Variants in PACRG observed in about 807,000 individuals in gnomAD.
PACRG encodes the protein parkin coregulated.
PACRG carries 29 observed loss-of-function variants against 29.7 expected under a neutral mutation model. The observed-to-expected ratio is 0.98, with a 90% CI of 0.73 to 1.33. PACRG has a LOEUF of 1.33. PACRG is among the 40% of genes most tolerant of loss of function. The probability of loss-of-function intolerance (pLI) is 0.00; values close to 1 mark genes in which losing one functional copy is unlikely to be tolerated. For missense variants in PACRG, 279 were observed against 316.2 expected (o/e 0.88, Z 0.89); for synonymous variants, 116 against 118.7 (o/e 0.98, Z 0.15).
chr6:163,254,402 G>T (rs1783029925), intron 4 of PACRG, among the ~76,000 whole-genome samples: 1 of 152,200 alleles, frequency 6.6e-6, no homozygotes, highest in Non-Finnish European at 1.5e-5. Flanking sequence ...AGGCCCCATT[G>T]AAGTAGGACT....
intron 2 of PACRG, among the ~76,000 whole-genome samples, chr6:162,956,856 T>C (rs1222210223): frequency 6.6e-6 from 1 of 152,126 alleles, no homozygotes; most frequent in Admixed American, 6.5e-5. Context: ...AGAGTTCAAC[T>C]TGGCTTTTTC....
intron 3 of PACRG, among the ~76,000 whole-genome samples, chr6:163,074,358 G>C (rs945844058): frequency 1.3e-5 from 2 of 152,064 alleles, no homozygotes; most frequent in African/African-American, 4.8e-5. Context: ...ACTTATTTTG[G>C]GGTGCTCAAA....
intron 4 of PACRG, among the ~76,000 whole-genome samples, chr6:163,283,844 T>C (rs898780925): frequency 6.7e-6 from 1 of 150,100 alleles, no homozygotes; most frequent in Admixed American, 6.6e-5. Context: ...CCAGATGCGG[T>C]GGCTCACACC....
chr6:162,941,414 G>C (rs1798622850), intron 2 of PACRG, among the ~76,000 whole-genome samples: 1 of 152,182 alleles, frequency 6.6e-6, no homozygotes, highest in Non-Finnish European at 1.5e-5. Context: ...GCGAGTGCAA[G>C]GTCCTGCACG....
chr6:163,116,951 G>A (rs113220863), intron 4 of PACRG, among the ~76,000 whole-genome samples: 6 of 152,264 alleles, frequency 3.9e-5, no homozygotes, highest in African/African-American at 1.4e-4. Context: ...ACTCACAGAA[G>A]CAAGTTGGAA....
chr6:162,778,804 G>A (rs1243452824), intron 1 of PACRG, among the ~76,000 whole-genome samples: 2 of 152,256 alleles, frequency 1.3e-5, no homozygotes. Flanking sequence ...GCAAGCCTGG[G>A]CCTGTGTGGC....
chr6:163,217,248 C>G (rs116193432), intron 4 of PACRG, among the ~76,000 whole-genome samples: 27 of 152,332 alleles, frequency 1.8e-4, no homozygotes, highest in Non-Finnish European at 2.9e-4. Flanking sequence ...AAGGCTAAAA[C>G]AAGCTCCTGG....
intron 4 of PACRG, among the ~76,000 whole-genome samples, chr6:163,293,876 A>G (rs1239543936): frequency 2.0e-5 from 3 of 152,224 alleles, no homozygotes; most frequent in African/African-American, 4.8e-5. Flanking sequence ...CTGTGAAAAG[A>G]AAATGGCAAT....
chr6:163,054,447 A>G (rs1315373153), intron 2 of PACRG, among the ~76,000 whole-genome samples: 1 of 152,104 alleles, frequency 6.6e-6, no homozygotes, highest in Non-Finnish European at 1.5e-5. Flanking sequence ...GGGAAAATAC[A>G]TGTGTGTTTT....
chr6:162,871,831 T>C (rs1036466520), intron 2 of PACRG, among the ~76,000 whole-genome samples: 2 of 151,864 alleles, frequency 1.3e-5, no homozygotes, highest in African/African-American at 4.8e-5. Context: ...GGCAGGAGAA[T>C]GGCGTGAACC....
intron 4 of PACRG, among the ~76,000 whole-genome samples, chr6:163,232,325 G>A (rs1272000983): frequency 2.0e-5 from 3 of 152,322 alleles, no homozygotes; most frequent in Admixed American, 1.3e-4. Context: ...CTCCGCTGCT[G>A]CAATGTGCCC....
intron 4 of PACRG, among the ~76,000 whole-genome samples, chr6:163,269,822 A>AAGGAAG (rs58539852): frequency 2.2e-5 from 1 of 46,306 alleles, no homozygotes; most frequent in Non-Finnish European, 4.6e-5. Context: ...GGAAGGAAGG[A>AAGGAAG]GAAAGAAAGA....
intron 4 of PACRG, among the ~76,000 whole-genome samples, chr6:163,223,430 A>G (rs1453446638): frequency 2.6e-5 from 4 of 152,142 alleles, no homozygotes; most frequent in Non-Finnish European, 5.9e-5. Flanking sequence ...AATATTAAGG[A>G]TAAACTAAAA....
At chr6:163,220,285 T>C (rs992408504) in intron 4 of PACRG, among the ~76,000 whole-genome samples, 1 of 152,150 alleles carries the variant, frequency 6.6e-6, no homozygotes, top group African/African-American at 2.4e-5. Flanking sequence ...CAAAGCCTCG[T>C]CTGTGAGTTT....
intron 4 of PACRG, among the ~76,000 whole-genome samples, chr6:163,133,764 C>A (rs971106901): frequency 6.6e-6 from 1 of 152,170 alleles, no homozygotes; most frequent in African/African-American, 2.4e-5. Flanking sequence ...ATCTTTCTTC[C>A]CCAGTCTCTC....
chr6:162,987,082 G>A (rs1243833418), intron 2 of PACRG, among the ~76,000 whole-genome samples: 3 of 152,038 alleles, frequency 2.0e-5, no homozygotes, highest in East Asian at 1.9e-4. Context: ...TTTTGGTGGT[G>A]TTATAGAGCC....
chr6:163,276,528 G>A (rs75239988), intron 4 of PACRG, among the ~76,000 whole-genome samples: 2 of 152,092 alleles, frequency 1.3e-5, no homozygotes, highest in Admixed American at 6.6e-5. Context: ...GATCATTCTG[G>A]GTCAGTTTTC....
intron 2 of PACRG, 91 bp downstream of exon 2, chr6:162,814,372 CTG>C: frequency 6.7e-7 from 1 of 1,494,324 alleles, no homozygotes; most frequent in Non-Finnish European, 9.1e-7. Context: ...AGTAAATAAA[CTG>C]GAGTCATTTC....
chr6:162,953,595 A>G (rs752554248), intron 2 of PACRG, among the ~76,000 whole-genome samples: 2 of 152,092 alleles, frequency 1.3e-5, no homozygotes, highest in Non-Finnish European at 2.9e-5. Flanking sequence ...CTATCAAGCT[A>G]ACATATGAGA....
Sources: gnomAD v4.1 joint callset for allele counts (sites outside exome capture counted in the v4.1 genomes callset) on GRCh38, gnomAD v4.1.1 for gene constraint, MANE v1.5 for transcripts, NCBI Gene and HGNC (gene_info 2026-07-23, HGNC 2026-07-21) for gene names.